Variants in RCC1 observed in about 807,000 individuals in gnomAD.
RCC1 encodes the protein regulator of chromosome condensation 1, also known as regulator of chromosome condensation.
RCC1 carries 11 observed loss-of-function variants against 44.4 expected under a neutral mutation model. The observed-to-expected ratio is 0.25, with a 90% CI of 0.16 to 0.41. The LOEUF is 0.41. RCC1 is among the 10% of genes least tolerant of loss of function. The pLI, the probability that RCC1 is intolerant of heterozygous loss-of-function variation, is 1.00. For synonymous variants in RCC1, 213 were observed against 216.5 expected, an observed-to-expected ratio of 0.98 and a Z score of 0.14; for missense variants, 386 against 547.1, an observed-to-expected ratio of 0.71 and a Z score of 2.94.
At chr1:28,530,456 GAA>G in intron 5 of RCC1, 1 of 1,459,026 alleles carries the variant, frequency 6.9e-7, no homozygotes, top group Non-Finnish European at 9.3e-7. Context: ...AGGGAGGAGA[GAA>G]AAGCCAGCAC....
intron 3 of RCC1, among the ~76,000 whole-genome samples, chr1:28,511,435 C>T (rs765379853): frequency 7.4e-5 from 11 of 148,806 alleles, no homozygotes; most frequent in Non-Finnish European, 1.3e-4. Context: ...GAGTCTCGCT[C>T]TGTCGCCCAG....
At position 28,529,871 on chromosome 1, in the gene RCC1, C is replaced by T. The variant is rs754072727; in HGVS notation, c.5C>T (p.Ser2Leu). MSPKRIAKRRSP... is the reference protein window; with the variant it reads MLPKRIAKRRSP... ...ACTGACTTTCAGGACAGGAAGATGT[C>T]ACCCAAGCGCATAGCTAAAAGAAGG... The change falls in exon 5 of 13, where the codon TCA becomes TTA. Residue 2 changes from serine to leucine, a missense_variant. Coordinates refer to ENST00000683442, the MANE Select transcript of RCC1 (RefSeq NM_001381865.2). 8 of 1,613,972 alleles carry T rather than the reference C, an allele frequency of 5.0e-6. No homozygotes were observed. Among genetic ancestry groups the T allele is most frequent in the Non-Finnish European group, 6.8e-6 (8 of 1,179,910 alleles).
In RCC1 at chr1:28,519,598, A is replaced by G. The variant is rs543870828; in HGVS notation, c.-10+2731A>G. Among the ~76,000 whole-genome samples, 19 of 149,626 alleles carry G rather than the reference A, an allele frequency of 1.3e-4. No individual in the cohort carries two copies. In the South Asian group the frequency reaches 3.8e-3, roughly 30 times the overall value. On this transcript the variant is annotated intron_variant, in intron 4 of 12. Coordinates refer to ENST00000683442, the MANE Select transcript of RCC1 (RefSeq NM_001381865.2). The stretch of plus-strand genomic sequence containing the variant: ...TTTTTTTTTTTGAGACGGAGTTTCC[A>G]CTCTTATTACCCAGGCTGGAGTGCA...
chr1:28,522,138 G>A (rs1663323389), intron 4 of RCC1, among the ~76,000 whole-genome samples: 1 of 152,190 alleles, frequency 6.6e-6, no homozygotes, highest in Admixed American at 6.5e-5. Context: ...AAGTGATTGT[G>A]ATCCAAAAGT....
chr1:28,507,540 T>C (rs140914793), intron 1 of RCC1: 1 of 516,446 alleles, frequency 1.9e-6, no homozygotes, highest in South Asian at 1.4e-5. Flanking sequence ...TGTCGACAAT[T>C]ACTGGGGAGA....
At position 28,532,114 on chromosome 1, in the gene RCC1, A is replaced by G. The variant is rs372182584; in HGVS notation, c.262-57A>G. 1.0e-5 allele frequency: 16 copies of G among 1,589,974 alleles called. No homozygotes were observed. The East Asian group carries it at 1.1e-4, about 11-fold the overall frequency. On this transcript the variant is annotated intron_variant, in intron 6 of 12. Coordinates refer to ENST00000683442, the MANE Select transcript of RCC1 (RefSeq NM_001381865.2). ...TGGCTAGTCAAGTGGGGAGTGGCCT[A>G]CATGAGAATGGACTGCGAGGCCAGA...
Position 28,532,194 on chromosome 1 carries a change from T to C in RCC1, c.285T>C (p.Asp95=). The C allele has an allele frequency of 2.5e-6, 4 of 1,613,662 alleles. No individual in the cohort carries two copies. Among genetic ancestry groups the C allele is most frequent in the African/African-American group, 2.7e-5 (2 of 75,022 alleles). Residue 95 remains aspartate, a synonymous_variant, in exon 7 of 13, where the codon GAT becomes GAC. Coordinates refer to ENST00000683442, the MANE Select transcript of RCC1 (RefSeq NM_001381865.2). ...AGGTCTATTCCTTCGGCTGCAATGA[T>C]GAGGGTGCCCTGGGAAGGGACACAT... The part of the protein sequence containing the change: ...SGQVYSFGCN[D]EGALGRDTSV...
chr1:28,529,182 C>CT (rs568053824), intron 4 of RCC1, among the ~76,000 whole-genome samples: 5,666 of 80,480 alleles, frequency 0.07, 789 homozygotes, highest in African/African-American at 0.15. Flanking sequence ...CGCGCCCAGG[C>CT]TTTTTTTTTT....
chr1:28,535,767 T>G (rs1322289113), intron 9 of RCC1, 104 bp from the exon 10 acceptor site: 3 of 1,263,590 alleles, frequency 2.4e-6, no homozygotes, highest in Non-Finnish European at 3.4e-6. Flanking sequence ...GAGTCCCTAC[T>G]TAGCCTCTCA....
intron 1 of RCC1, chr1:28,506,297 G>T (rs756421744): frequency 2.3e-6 from 1 of 440,166 alleles, no homozygotes; most frequent in South Asian, 1.6e-5. Context: ...CGATTCTCGT[G>T]CCTCAGCCTC....
In RCC1 at chr1:28,514,279, T is replaced by C. The variant is rs1480627912; in HGVS notation, c.-152-2446T>C. The stretch of plus-strand genomic sequence containing the variant: ...TCTTGGCTAACACGGTGAAACCCCA[T>C]CTCTACTAAAAATACAAAAAATTAG... On this transcript the variant is annotated intron_variant, in intron 3 of 12. Transcript: ENST00000683442. Among the ~76,000 whole-genome samples, 6 of 151,184 alleles carry C rather than the reference T, an allele frequency of 4.0e-5. No individual in the cohort carries two copies. In the East Asian group the frequency reaches 9.8e-4, roughly 25 times the overall value.
rs1664055372 is a variant in RCC1 at position 28,530,426 on chromosome 1, C to T, written c.73+487C>T. 3.5e-6 allele frequency: 4 copies of T among 1,157,018 alleles called. No homozygotes were observed. In the South Asian group the frequency reaches 5.7e-5, roughly 16 times the overall value. The allele number at this position is 1,157,018 out of a possible 1,614,324, so 71.7% of individuals were successfully genotyped here. A position where few individuals can be genotyped will look rare whatever the true frequency, so the allele number is the denominator to read the frequency against. ...GGAGGTGGCTGTGGTTTCCTCTGTC[C>T]TGGGACCCCGGAGGGGGACAGGGAG... On this transcript the variant is annotated intron_variant, in intron 5 of 12. Transcript: ENST00000683442.
At chr1:28,530,710 C>G (rs1664092538) in intron 5 of RCC1, 3 of 1,064,924 alleles carry the variant, frequency 2.8e-6, no homozygotes, top group Non-Finnish European at 2.6e-6. Flanking sequence ...CATTGGCTGC[C>G]CGGGGCTGCG....
At position 28,536,907 on chromosome 1, in the gene RCC1, G is replaced by A. The variant is rs750448308; in HGVS notation, c.1090+8G>A. 2 of 1,613,692 alleles carry A rather than the reference G, an allele frequency of 1.2e-6. No individual in the cohort carries two copies. The highest frequency in any genetic ancestry group is 2.2e-5 in the South Asian group (2 of 91,068). On this transcript the variant is annotated splice_region_variant and intron_variant, in intron 12 of 12. Transcript: ENST00000683442. This position sits in a 1 kb window ranked among gnomAD's most constrained non-coding sequence, Gnocchi z 4.9. The stretch of plus-strand genomic sequence containing the variant: ...ATGCTGTGACCAAGGATGGTGAGTG[G>A]GGCTGCCTACACTCTGTCTAGTTGG...
At chr1:28,522,685 C>T (rs994371985) in intron 4 of RCC1, among the ~76,000 whole-genome samples, 2 of 151,670 alleles carry the variant, frequency 1.3e-5, no homozygotes, top group African/African-American at 4.8e-5. Flanking sequence ...CGTGGTGGTA[C>T]ATGCCTGTAG....
chr1:28,532,676 C>G (rs1293656969), intron 7 of RCC1: 1 of 497,424 alleles, frequency 2.0e-6, no homozygotes, highest in African/African-American at 1.9e-5. Context: ...CTTGCCAGCA[C>G]TGCCTCTTCC....
intron 4 of RCC1, chr1:28,518,303 A>G (rs1663023282): frequency 6.6e-6 from 1 of 152,268 alleles, no homozygotes; most frequent in Non-Finnish European, 1.5e-5. Flanking sequence ...GCCGACGTGC[A>G]CCAAGGTAGG....
rs767316308 is a variant in RCC1 at position 28,538,058 on chromosome 1, C to T, written c.*51C>T. ...GTCCTGCACAACCTCCCTCACAGAACAGGGAAGCAGTGACAGCTGCAGATG... is the reference window on the plus strand; with the variant it reads ...GTCCTGCACAACCTCCCTCACAGAATAGGGAAGCAGTGACAGCTGCAGATG... On this transcript the variant is annotated 3_prime_UTR_variant, in exon 13 of 13. Coordinates refer to ENST00000683442, the MANE Select transcript of RCC1 (RefSeq NM_001381865.2). 16 of 1,551,664 alleles carry T rather than the reference C, an allele frequency of 1.0e-5. No homozygotes were observed. The Admixed American group carries it at 2.1e-4, about 20-fold the overall frequency.
rs1662123535 is a variant in RCC1 at position 28,507,735 on chromosome 1, T to A, written c.-261-393T>A. The A allele has an allele frequency of 5.8e-6, 2 of 346,358 alleles. 1 individual carries two copies. Among genetic ancestry groups the A allele is most frequent in the Non-Finnish European group, 1.1e-5 (2 of 176,482 alleles). The allele number at this position is 346,358 out of a possible 1,614,324, so 21.5% of individuals were successfully genotyped here. A position where few individuals can be genotyped will look rare whatever the true frequency, so the allele number is the denominator to read the frequency against. On this transcript the variant is annotated intron_variant, in intron 1 of 12. Coordinates refer to ENST00000683442, the MANE Select transcript of RCC1 (RefSeq NM_001381865.2). ...GATTCTCCTGCCTTGGCCTCCTGAGTAGCTGGGATTACAGGCCCCCGCCAC... is the reference window on the plus strand; with the variant it reads ...GATTCTCCTGCCTTGGCCTCCTGAGAAGCTGGGATTACAGGCCCCCGCCAC...
Sources: gnomAD v4.1 joint callset for allele counts (sites outside exome capture counted in the v4.1 genomes callset) on GRCh38, gnomAD v4.1.1 for gene constraint, Gnocchi (gnomAD v3.1) non-coding constraint, MANE v1.5 for transcripts, NCBI Gene and HGNC (gene_info 2026-07-23, HGNC 2026-07-21) for gene names.